Variants in DGKH observed in about 807,000 individuals in gnomAD.
DGKH encodes diacylglycerol kinase eta, also known as DAG kinase eta.
Under a neutral mutation model 159.3 loss-of-function variants are expected in DGKH, and 90 were observed. The observed-to-expected ratio is 0.57, with a 90% CI of 0.48 to 0.67. The LOEUF (loss-of-function observed/expected upper bound fraction) is 0.67. Among genes scored for constraint, DGKH ranks in the 30% least tolerant of loss-of-function variants. The pLI is 0.00. For synonymous variants in DGKH, 536 were observed against 553.8 expected (o/e 0.97, Z 0.45); for missense variants, 1,181 against 1,506.1 (o/e 0.78, Z 3.57).
chr13:42,153,887 A>G (rs1021924021), intron 3 of DGKH: 3 of 152,238 alleles, frequency 2.0e-5, no homozygotes, highest in Non-Finnish European at 2.9e-5. Flanking sequence ...CTCCTCTTCC[A>G]TGTGACTTTT....
At chr13:42,053,454 ATAAC>A (rs1332927209) in intron 1 of DGKH, among the ~76,000 whole-genome samples, 3 of 146,012 alleles carry the variant, frequency 2.1e-5, no homozygotes, top group African/African-American at 7.6e-5. Context: ...AACTATATAT[ATAAC>A]TATATATAAC....
chr13:42,173,026 C>T (rs1956504385), intron 11 of DGKH, among the ~76,000 whole-genome samples: 1 of 151,950 alleles, frequency 6.6e-6, no homozygotes, highest in South Asian at 2.1e-4. Context: ...GGCTGGAGTG[C>T]AGTGGCATGA....
At chr13:42,065,000 C>T (rs370280078) in intron 1 of DGKH, among the ~76,000 whole-genome samples, 9 of 152,032 alleles carry the variant, frequency 5.9e-5, no homozygotes, top group African/African-American at 9.7e-5. Flanking sequence ...CATATGTAAA[C>T]GTTCATAAGG....
intron 1 of DGKH, among the ~76,000 whole-genome samples, chr13:42,082,921 T>A (rs976449758): frequency 1.3e-5 from 2 of 152,212 alleles, no homozygotes; most frequent in Non-Finnish European, 2.9e-5. Context: ...TTGAAATGAA[T>A]TGAAGAATGT....
In DGKH at chr13:42,214,513, T is replaced by C. The variant is rs1957739965; in HGVS notation, c.3021T>C (p.Cys1007=). Residue 1007 remains cysteine, a synonymous_variant, in exon 25 of 30, where the codon TGT becomes TGC. Transcript: ENST00000337343. ...GTTTCATTTTTGCTTTTAGGATATGTGACGCAGCCACAATTCACTGTCTTT... is the reference window on the plus strand; with the variant it reads ...GTTTCATTTTTGCTTTTAGGATATGCGACGCAGCCACAATTCACTGTCTTT... The part of the protein sequence containing the change: ...QAAEELITRI[C]DAATIHCLLE... 1 of 1,610,934 alleles carries C rather than the reference T, an allele frequency of 6.2e-7. No homozygotes were observed. Among genetic ancestry groups the C allele is most frequent in the Non-Finnish European group, 8.5e-7 (1 of 1,178,888 alleles).
chr13:42,217,311 C>G (rs141449516), intron 26 of DGKH, among the ~76,000 whole-genome samples: 5 of 152,260 alleles, frequency 3.3e-5, no homozygotes, highest in African/African-American at 1.2e-4. Flanking sequence ...GTGATCTCTG[C>G]TCACTGCAAC....
chr13:42,245,831 C>T (rs1321373999), downstream of DGKH, among the ~76,000 whole-genome samples: 2 of 152,186 alleles, frequency 1.3e-5, no homozygotes, highest in Admixed American at 6.5e-5. Context: ...GATCCGCCTG[C>T]CTCAGCCTCC....
Position 42,220,551 on chromosome 13 carries a change from T to A in DGKH, c.3443-713T>A, listed in dbSNP as rs545181227. Among the ~76,000 whole-genome samples the A allele has an allele frequency of 3.5e-4, 53 of 152,322 alleles. 1 individual carries two copies. Among genetic ancestry groups the A allele is most frequent in the African/African-American group, 1.2e-3 (51 of 41,566 alleles). ...AAAAAGTGATGTAAAGCCTTATTTG[T>A]GATATTCATAAAGCAGCTAATGAAA... On this transcript the variant is annotated intron_variant, in intron 28 of 29. Transcript: ENST00000337343.
chr13:42,102,016 C>T (rs539600471), intron 1 of DGKH, among the ~76,000 whole-genome samples: 358 of 152,316 alleles, frequency 2.4e-3, no homozygotes, highest in African/African-American at 8.1e-3. Flanking sequence ...AATGAAATCA[C>T]ATTCCTTAGT....
chr13:42,154,185 G>A (rs1955984487), intron 3 of DGKH, among the ~76,000 whole-genome samples: 2 of 152,176 alleles, frequency 1.3e-5, no homozygotes, highest in Non-Finnish European at 2.9e-5. Flanking sequence ...ATAATCCAAT[G>A]TAATGTTTAG....
At chr13:42,182,439 T>C (rs1268588636) in intron 13 of DGKH, among the ~76,000 whole-genome samples, 1 of 149,952 alleles carries the variant, frequency 6.7e-6, no homozygotes, top group Non-Finnish European at 1.5e-5. Flanking sequence ...CAGGACCCCC[T>C]TGGATACCAA....
At chr13:42,184,897 A>C (rs1178799659) in intron 13 of DGKH, among the ~76,000 whole-genome samples, 2 of 148,258 alleles carry the variant, frequency 1.3e-5, no homozygotes, top group Non-Finnish European at 3.0e-5. Flanking sequence ...TTAAAAAAAA[A>C]GTTCTAACAT....
At chr13:42,052,928 AT>A (rs1881428842) in intron 1 of DGKH, among the ~76,000 whole-genome samples, 1 of 152,174 alleles carries the variant, frequency 6.6e-6, no homozygotes, top group Non-Finnish European at 1.5e-5. Flanking sequence ...GTTCTCATTT[AT>A]TTTTTATTTT....
intron 3 of DGKH, among the ~76,000 whole-genome samples, chr13:42,132,901 G>A (rs562142373): frequency 1.7e-4 from 26 of 152,188 alleles, no homozygotes; most frequent in African/African-American, 6.0e-4. Flanking sequence ...GGGCGTGATG[G>A]CTCACGTCTG....
At chr13:42,105,179 A>G (rs1371561940) in intron 1 of DGKH, among the ~76,000 whole-genome samples, 3 of 152,178 alleles carry the variant, frequency 2.0e-5, no homozygotes, top group Non-Finnish European at 4.4e-5. Flanking sequence ...TCCAGTATCA[A>G]GGGGCTGGCA....
Position 42,129,623 on chromosome 13 carries a change from C to T in DGKH, c.375C>T (p.Asn125=). The change falls in exon 3 of 30, where the codon AAC becomes AAT. Residue 125 remains asparagine (N), a synonymous_variant. Transcript: ENST00000337343. The part of the protein sequence containing the change: ...VAEASTKNAN[N]SFTIITPFRR... ...AAGCAAGCACGAAAAATGCTAACAA[C>T]AGCTTCACGGTATGGTTATATTCTG... The T allele has an allele frequency of 6.2e-7, 1 of 1,611,862 alleles. No individual in the cohort carries two copies. Among genetic ancestry groups the T allele is most frequent in the Admixed American group, 1.7e-5 (1 of 59,866 alleles).
upstream of DGKH, among the ~76,000 whole-genome samples, chr13:42,046,921 G>T (rs1485514104): frequency 1.3e-5 from 2 of 152,180 alleles, no homozygotes; most frequent in Non-Finnish European, 2.9e-5. Context: ...CCCTTTACTA[G>T]GTGTCCTTGT....
intron 24 of DGKH, among the ~76,000 whole-genome samples, chr13:42,213,286 C>G (rs1463334295): frequency 6.6e-6 from 1 of 152,098 alleles, no homozygotes; most frequent in Non-Finnish European, 1.5e-5. Context: ...AACAGGTTGA[C>G]CTTAATGTTC....
chr13:42,192,675 G>A (rs1156442106), intron 16 of DGKH, among the ~76,000 whole-genome samples: 1 of 148,270 alleles, frequency 6.7e-6, no homozygotes, highest in Non-Finnish European at 1.5e-5. Context: ...TGTTCTTCAT[G>A]TGGCAGCCCT....
Sources: gnomAD v4.1 joint callset for allele counts (sites outside exome capture counted in the v4.1 genomes callset) on GRCh38, gnomAD v4.1.1 for gene constraint, MANE v1.5 for transcripts, NCBI Gene and HGNC (gene_info 2026-07-23, HGNC 2026-07-21) for gene names.